PLEKHG6: variants seen among roughly 807,000 people sequenced by gnomAD.
PLEKHG6 encodes pleckstrin homology and RhoGEF domain containing G6.
In PLEKHG6, 91 loss-of-function variants were observed where a neutral mutation model predicts 97.5. The ratio of observed to expected loss-of-function variants is 0.93; its 90% CI spans 0.79 to 1.11. The LOEUF is 1.11. Ranked by LOEUF, PLEKHG6 falls within the 50% of genes most tolerant of loss-of-function variation. PLEKHG6 has a pLI of 0.00. For missense variants in PLEKHG6, 1,044 were observed against 1,031.0 expected, an observed-to-expected ratio of 1.01 and a Z score of -0.17; for synonymous variants, 466 against 425.5, an observed-to-expected ratio of 1.10 and a Z score of -1.17.
intron 13 of PLEKHG6, among the ~76,000 whole-genome samples, chr12:6,323,035 T>C (rs1170060012): frequency 1.3e-5 from 2 of 152,080 alleles, no homozygotes; most frequent in Admixed American, 1.3e-4. Context: ...GGCTGCCTTT[T>C]TTCCTTCGGA....
rs1401941086 is a variant in PLEKHG6, at chr12:6,319,058, C to G, written c.1474C>G (p.Pro492Ala). The G allele has an allele frequency of 6.2e-7, 1 of 1,613,468 alleles. No individual in the cohort carries two copies. Among genetic ancestry groups the G allele is most frequent in the East Asian group, 2.2e-5 (1 of 44,858 alleles). Residue 492 changes from proline to alanine, a missense_variant, in exon 13 of 16, where the codon CCC (proline) becomes GCC (alanine). By Grantham distance (27) the Pro-to-Ala change is conservative (BLOSUM62 -1). Coordinates refer to ENST00000684764, the MANE Select transcript of PLEKHG6 (RefSeq NM_001384598.1). Reference sequence around the variant, plus strand: ...CTCCAGCGCCCTCCTTGTGCACTGTCCCAGTCCTACAGACCGTGCCCAGTG... The same window carrying G: ...CTCCAGCGCCCTCCTTGTGCACTGTGCCAGTCCTACAGACCGTGCCCAGTG... ...CVSSALLVHC[P>A]SPTDRAQWLE...
chr12:6,315,300 G>T lies in PLEKHG6; in HGVS notation c.459+131G>T, dbSNP rs1947417366. The T allele has an allele frequency of 3.1e-6, 3 of 969,362 alleles. No homozygotes were observed. Among genetic ancestry groups the T allele is most frequent in the South Asian group, 3.4e-5 (2 of 58,300 alleles). 60.0% of individuals were successfully genotyped at this position (969,362 alleles called of 1,614,324 possible). A position where few individuals can be genotyped will look rare whatever the true frequency, so the allele number is the denominator to read the frequency against. ...AAACATCTGGAAACGCGTTGATCTG[G>T]GTTCAGATCCCAGCTCTGCCACTTA... On this transcript the variant is annotated intron_variant, in intron 4 of 15. Transcript: ENST00000684764. This position sits in a 1 kb window ranked among gnomAD's most constrained non-coding sequence, Gnocchi z 4.5.
chr12:6,327,924 C>A lies in PLEKHG6; in HGVS notation c.2341C>A (p.Leu781Met). Residue 781 changes from leucine (L) to methionine (M), a missense_variant, in exon 15 of 16, where the codon CTG becomes ATG. Physicochemically the swap from Leu to Met is conservative, Grantham distance 15 (BLOSUM62 2). Transcript: ENST00000684764. The stretch of plus-strand genomic sequence containing the variant: ...GATGCGGGGGCCCCACATCATTCAG[C>A]TGGACACCCCTCTGTCCGCATCGTA... ...QRMRGPHIIQ[L>M]DTPLSASEV 1 of 1,482,168 alleles carries A rather than the reference C, an allele frequency of 6.7e-7. No individual in the cohort carries two copies. The highest frequency in any genetic ancestry group is 2.4e-5 in the East Asian group (1 of 42,274). 91.8% of individuals were successfully genotyped at this position (1,482,168 alleles called of 1,614,324 possible).
At position 6,315,674 on chromosome 12, in the gene PLEKHG6, C is replaced by T. The variant is rs371817044; in HGVS notation, c.555+25C>T. 1.7e-5 allele frequency: 24 copies of T among 1,451,680 alleles called. No individual in the cohort carries two copies. Among genetic ancestry groups the T allele is most frequent in the Admixed American group, 9.3e-5 (5 of 53,994 alleles). 89.9% of individuals were successfully genotyped at this position (1,451,680 alleles called of 1,614,324 possible). On this transcript the variant is annotated intron_variant, in intron 5 of 15. Coordinates refer to ENST00000684764, the MANE Select transcript of PLEKHG6 (RefSeq NM_001384598.1). The surrounding 1 kb of genome is among the most constrained non-coding windows in gnomAD (Gnocchi z 4.5). ...TGTGAGCCCCCCTCAGCCCCAGCCCCGGCCCCATCTTCCCTGCATGAGCCC... is the reference window on the plus strand; with the variant it reads ...TGTGAGCCCCCCTCAGCCCCAGCCCTGGCCCCATCTTCCCTGCATGAGCCC...
At position 6,316,337 on chromosome 12, in the gene PLEKHG6, C is replaced by T. The variant is rs895481409; in HGVS notation, c.689C>T (p.Thr230Ile). Residue 230 changes from threonine to isoleucine, a missense_variant, in exon 7 of 16, where the codon ACC (threonine) becomes ATC (isoleucine). Physicochemically the swap from Thr to Ile is moderately conservative, Grantham distance 89. Transcript: ENST00000684764. The surrounding 1 kb of genome is among the most constrained non-coding windows in gnomAD (Gnocchi z 4.1). ...RSFWDEVLGP[T>I]LEETRASGQP... ...TTTTGGGATGAGGTGCTGGGGCCCA[C>T]CCTGGAGGAGACTCGGGCCTCGGGC... The T allele has an allele frequency of 1.9e-6, 3 of 1,562,716 alleles. No homozygotes were observed. The highest frequency in any genetic ancestry group is 3.3e-4 in the Middle Eastern group (2 of 6,004).
chr12:6,324,897 G>A (rs1947816009), intron 13 of PLEKHG6, among the ~76,000 whole-genome samples: 1 of 152,128 alleles, frequency 6.6e-6, no homozygotes, highest in South Asian at 2.1e-4. Flanking sequence ...TATAGCATGG[G>A]CATCAACCAA....
rs1222969350 is a variant in PLEKHG6, at chr12:6,315,984, G to A, written c.606+65G>A. 33 of 1,395,518 alleles carry A rather than the reference G, an allele frequency of 2.4e-5. No homozygotes were observed. Among genetic ancestry groups the A allele is most frequent in the Admixed American group, 1.3e-4 (6 of 46,248 alleles). 86.4% of individuals were successfully genotyped at this position (1,395,518 alleles called of 1,614,324 possible). A position where few individuals can be genotyped will look rare whatever the true frequency, so the allele number is the denominator to read the frequency against. ...CCTCTGAGCCTGGGGATGAGGGTGG[G>A]CCCTCCAGCCATCCCTGTCTGAATT... On this transcript the variant is annotated intron_variant, in intron 6 of 15. Coordinates refer to ENST00000684764, the MANE Select transcript of PLEKHG6 (RefSeq NM_001384598.1). The surrounding 1 kb of genome is among the most constrained non-coding windows in gnomAD (Gnocchi z 4.5).
Position 6,323,717 on chromosome 12 carries a change from C to T in PLEKHG6, c.1525-2711C>T, listed in dbSNP as rs530547914. 2.0e-5 allele frequency among the ~76,000 whole-genome samples: 3 copies of T among 152,368 alleles called. No homozygotes were observed. In the East Asian group the frequency reaches 5.8e-4, roughly 29 times the overall value. On this transcript the variant is annotated intron_variant, in intron 13 of 15. Coordinates refer to ENST00000684764, the MANE Select transcript of PLEKHG6 (RefSeq NM_001384598.1). ...GGCCCGAGCAGCTGTCAGGGAGTTA[C>T]TTCACCTCTTGGGGAGTTGCAGTGC...
intron 13 of PLEKHG6, chr12:6,319,344 A>C: frequency 1.6e-6 from 1 of 626,936 alleles, no homozygotes; most frequent in Non-Finnish European, 2.7e-6. Flanking sequence ...ATTACTTGGG[A>C]GGCTGAGGCA....
intron 2 of PLEKHG6, chr12:6,312,960 A>G (rs1381004275): frequency 3.2e-5 from 46 of 1,425,986 alleles, no homozygotes; most frequent in Non-Finnish European, 3.9e-5. Context: ...CCCTGCCTCA[A>G]TGCACGATAA....
At chr12:6,312,785 G>C in intron 2 of PLEKHG6, 1 of 1,197,300 alleles carries the variant, frequency 8.4e-7, no homozygotes. Context: ...TCCTCCAGTG[G>C]TGGGTAGGGA....
chr12:6,321,090 G>T (rs1057363114), intron 13 of PLEKHG6, among the ~76,000 whole-genome samples: 3 of 151,924 alleles, frequency 2.0e-5, no homozygotes, highest in Non-Finnish European at 4.4e-5. Context: ...CATGATCACA[G>T]CTCACTGCCG....
chr12:6,312,620 A>G, intron 2 of PLEKHG6: 1 of 1,288,922 alleles, frequency 7.8e-7, no homozygotes, highest in Non-Finnish European at 9.8e-7. Context: ...GCTGTTAGAC[A>G]GGTCTCAGAC....
At chr12:6,310,635 G>GCCCCTCTA (rs1214000822), upstream of PLEKHG6, 8 of 152,262 alleles carry the variant, frequency 5.3e-5, no homozygotes, top group African/African-American at 1.7e-4. Context: ...CTGCCCCTCT[G>GCCCCTCTA]CCCCGAGCGG....
rs1278887966 is a variant in PLEKHG6 at position 6,318,847 on chromosome 12, AAGCT to A, written c.1379_1382del (p.Lys460ThrfsTer14). The A allele has an allele frequency of 2.5e-6, 4 of 1,613,998 alleles. No homozygotes were observed. The highest frequency in any genetic ancestry group is 3.4e-6 in the Non-Finnish European group (4 of 1,180,016). On this transcript the variant is annotated frameshift_variant, in exon 12 of 16. Transcript: ENST00000684764. LOFTEE classifies it high-confidence loss of function. ...CATCCGACCCCCTCTCATGCTGGAG[AAGCT>A]CGTGTGCCAACCCCTGCGAGACCCC...
Position 6,327,735 on chromosome 12 carries a change from G to C in PLEKHG6, c.2152G>C (p.Glu718Gln), listed in dbSNP as rs752487541. 2.6e-6 allele frequency: 4 copies of C among 1,552,586 alleles called. No homozygotes were observed. In the African/African-American group the frequency reaches 4.1e-5, roughly 16 times the overall value. The change falls in exon 15 of 16, where the codon GAG (glutamate) becomes CAG (glutamine). Residue 718 changes from glutamate (E) to glutamine (Q), a missense_variant. By Grantham distance (29) the Glu-to-Gln change is conservative. Transcript: ENST00000684764. ...PWESSGEEEE[E>Q]GPLFLKAGHT... ...GGAGTCCTCAGGGGAGGAGGAAGAA[G>C]AGGGGCCTCTGTTCCTGAAAGCTGG...
chr12:6,318,736 C>T lies in PLEKHG6; in HGVS notation c.1276-9C>T, dbSNP rs746113589. Reference sequence around the variant, plus strand: ...ACCCTGTCTCTTTCCCCTACGCCCCCACCCCCAGCTGGACGTGTACCTGTT... The same window carrying T: ...ACCCTGTCTCTTTCCCCTACGCCCCTACCCCCAGCTGGACGTGTACCTGTT... On this transcript the variant is annotated splice_polypyrimidine_tract_variant and intron_variant, in intron 11 of 15. Coordinates refer to ENST00000684764, the MANE Select transcript of PLEKHG6 (RefSeq NM_001384598.1). 4.3e-6 allele frequency: 7 copies of T among 1,613,272 alleles called. No homozygotes were observed. Among genetic ancestry groups the T allele is most frequent in the South Asian group, 1.1e-5 (1 of 91,066 alleles).
upstream of PLEKHG6, chr12:6,310,418 C>T (rs921662022): frequency 6.6e-6 from 1 of 152,344 alleles, no homozygotes; most frequent in African/African-American, 2.4e-5. Context: ...CCGCCCCTTA[C>T]TCAGCCCTCA....
chr12:6,327,901 T>C lies in PLEKHG6; in HGVS notation c.2318T>C (p.Met773Thr), dbSNP rs765082169. ...CTGACTCGGGCCCAGCTGCAGAGGATGCGGGGGCCCCACATCATTCAGCTG... is the reference window on the plus strand; with the variant it reads ...CTGACTCGGGCCCAGCTGCAGAGGACGCGGGGGCCCCACATCATTCAGCTG... ...RKLTRAQLQR[M>T]RGPHIIQLDT... is the part of the protein sequence containing the mutation. Residue 773 changes from methionine (M) to threonine (T), a missense_variant, in exon 15 of 16, where the codon ATG becomes ACG. Met to Thr is a moderately conservative substitution (Grantham distance 81, BLOSUM62 -1). Transcript: ENST00000684764. 30 of 1,485,736 alleles carry C rather than the reference T, an allele frequency of 2.0e-5. 1 individual carries two copies. In the South Asian group the frequency reaches 3.1e-4, roughly 15 times the overall value. 92.0% of individuals were successfully genotyped at this position (1,485,736 alleles called of 1,614,324 possible).
Sources: gnomAD v4.1 joint callset for allele counts (sites outside exome capture counted in the v4.1 genomes callset) on GRCh38, gnomAD v4.1.1 for gene constraint, Gnocchi (gnomAD v3.1) non-coding constraint, MANE v1.5 for transcripts, NCBI Gene and HGNC (gene_info 2026-07-23, HGNC 2026-07-21) for gene names.